The following PLD5 variants were observed in gnomAD, a reference collection of about 807,000 sequenced individuals.
PLD5 encodes inactive phospholipase D5.
Under a neutral mutation model 61.1 loss-of-function variants are expected in PLD5, and 36 were observed. The observed-to-expected ratio is 0.59, with a 90% confidence interval of 0.45 to 0.78. The LOEUF is 0.78. Ranked by LOEUF, PLD5 falls within the 30% of genes least tolerant of loss-of-function variation. The probability of loss-of-function intolerance (pLI) is 0.00; values close to 1 mark genes in which losing one functional copy is unlikely to be tolerated. For missense variants in PLD5, 515 were observed against 644.4 expected, an observed-to-expected ratio of 0.80 and a Z score of 2.17; for synonymous variants, 243 against 242.8, an observed-to-expected ratio of 1.00 and a Z score of -0.01.
chr1:242,470,108 G>C (rs536019458), intron 1 of PLD5, among the ~76,000 whole-genome samples: 3 of 152,268 alleles, frequency 2.0e-5, no homozygotes, highest in South Asian at 4.1e-4. Flanking sequence ...CTGGGAGACG[G>C]AGGCGGGCGG....
chr1:242,231,300 T>C (rs1414207850), intron 4 of PLD5, among the ~76,000 whole-genome samples: 1 of 152,184 alleles, frequency 6.6e-6, no homozygotes, highest in African/African-American at 2.4e-5. Context: ...TGGGGAATGA[T>C]GAGTACTTCC....
chr1:242,120,697 C>A (rs1336728358), intron 6 of PLD5, among the ~76,000 whole-genome samples: 3 of 152,128 alleles, frequency 2.0e-5, no homozygotes, highest in African/African-American at 7.2e-5. Context: ...ACATCTAGAT[C>A]AATAAAAACA....
intron 2 of PLD5, among the ~76,000 whole-genome samples, chr1:242,347,356 T>C (rs979831428): frequency 2.0e-5 from 3 of 152,194 alleles, no homozygotes; most frequent in East Asian, 1.9e-4. Context: ...TGTAATTTAG[T>C]GGCCTCACTT....
rs1456138580 is a variant in PLD5, at chr1:242,090,027, T to A, written c.1438A>T (p.Arg480Ter). 1.2e-6 allele frequency: 2 copies of A among 1,614,126 alleles called. No homozygotes were observed. Among genetic ancestry groups the A allele is most frequent in the Admixed American group, 1.7e-5 (1 of 60,010 alleles). ...VINQADVRNN[R>*]SIIKQLKDVF... ...TCTTTAAGTTGCTTAATGATGCTTCTGTTGTTCCTCACATCTGCCTGGTTG... is the reference window on the plus strand; with the variant it reads ...TCTTTAAGTTGCTTAATGATGCTTCAGTTGTTCCTCACATCTGCCTGGTTG... The change falls in exon 10 of 10, where the codon AGA becomes TGA. Residue 480 changes from arginine to a stop codon, truncating the protein, a stop_gained. Coordinates refer to ENST00000536534, the MANE Select transcript of PLD5 (RefSeq NM_001372062.1). LOFTEE classifies it high-confidence loss of function.
intron 1 of PLD5, among the ~76,000 whole-genome samples, chr1:242,455,938 T>TC (rs1373577722): frequency 1.3e-5 from 2 of 151,900 alleles, no homozygotes; most frequent in African/African-American, 4.8e-5. Flanking sequence ...AAGGGCCAGC[T>TC]CCCCCCATGC....
chr1:242,327,852 G>A (rs1219521814), intron 2 of PLD5, among the ~76,000 whole-genome samples: 2 of 152,142 alleles, frequency 1.3e-5, no homozygotes, highest in East Asian at 3.9e-4. Context: ...AACCCTTTGG[G>A]AGGTTTAAGC....
intron 1 of PLD5, among the ~76,000 whole-genome samples, chr1:242,485,353 A>G (rs1245852987): frequency 6.6e-6 from 1 of 152,244 alleles, no homozygotes; most frequent in Non-Finnish European, 1.5e-5. Flanking sequence ...GCTGATAAGC[A>G]ACTTCAGCAA....
intron 1 of PLD5, among the ~76,000 whole-genome samples, chr1:242,452,439 G>A (rs1189106544): frequency 6.6e-6 from 1 of 152,194 alleles, no homozygotes; most frequent in Non-Finnish European, 1.5e-5. Flanking sequence ...CAGCAAGAAA[G>A]TTAGGAAGTT....
At chr1:242,220,840 G>A (rs769208897) in intron 4 of PLD5, among the ~76,000 whole-genome samples, 2 of 151,870 alleles carry the variant, frequency 1.3e-5, no homozygotes, top group African/African-American at 2.4e-5. Context: ...AGGTTTAAGT[G>A]ATTCCCTTGC....
Position 242,124,575 on chromosome 1 carries a change from T to C in PLD5, c.826A>G (p.Lys276Glu), listed in dbSNP as rs1662640070. 1 of 1,614,006 alleles carries C rather than the reference T, an allele frequency of 6.2e-7. No individual in the cohort carries two copies. The highest frequency in any genetic ancestry group is 1.7e-5 in the Admixed American group (1 of 60,028). The part of the protein sequence containing the change: ...IFALYSSLKF[K>E]SRVPQTWSKR... ...GACCAGGTTTGAGGCACTCTGCTTTTGAATTTTAATGAACTATATAGAGCA... is the reference window on the plus strand; with the variant it reads ...GACCAGGTTTGAGGCACTCTGCTTTCGAATTTTAATGAACTATATAGAGCA... Residue 276 changes from lysine to glutamate, a missense_variant, in exon 6 of 10, where the codon AAA becomes GAA. By Grantham distance (56) the Lys-to-Glu change is moderately conservative. Around this residue, in one of 2 missense-constraint regions of PLD5, gnomAD observed 450 missense variants for 598.1 expected, o/e 0.75. Transcript: ENST00000536534.
chr1:242,090,240 G>GTGT lies in PLD5; in HGVS notation c.1355-133_1355-131dup, dbSNP rs1386153537. 3 of 1,208,154 alleles carry GTGT rather than the reference G, an allele frequency of 2.5e-6. No homozygotes were observed. The African/African-American group carries it at 4.6e-5, about 19-fold the overall frequency. 74.8% of individuals were successfully genotyped at this position (1,208,154 alleles called of 1,614,324 possible). ...GGAATAACAACGGAGAGGCTGAATT[G>GTGT]TGTTGACAGCTCCGAAAAAAAAATC... On this transcript the variant is annotated intron_variant, in intron 9 of 9. Transcript: ENST00000536534.
chr1:242,394,465 AACAT>A (rs1304620217), intron 1 of PLD5, among the ~76,000 whole-genome samples: 1 of 53,930 alleles, frequency 1.9e-5, no homozygotes, highest in Non-Finnish European at 3.3e-5. Context: ...TATATATGTG[AACAT>A]ATATATGTGT....
intron 3 of PLD5, among the ~76,000 whole-genome samples, chr1:242,269,113 G>C (rs1431624422): frequency 2.6e-5 from 4 of 152,108 alleles, no homozygotes; most frequent in African/African-American, 9.7e-5. Context: ...AAAGTTCTGG[G>C]ATTATAGGCA....
intron 5 of PLD5, among the ~76,000 whole-genome samples, chr1:242,206,948 A>T (rs316860): frequency 0.84 from 128,133 of 152,228 alleles, 54,171 homozygotes; most frequent in South Asian, 0.94. Context: ...GTAAGTTCAA[A>T]ATCTGCAGGG....
Position 242,120,186 on chromosome 1 carries a change from C to T in PLD5, c.933+4282G>A, listed in dbSNP as rs58337992. 8.9e-3 allele frequency among the ~76,000 whole-genome samples: 1,351 copies of T among 152,006 alleles called. 23 individuals carry two copies. Among genetic ancestry groups the T allele is most frequent in the African/African-American group, 0.03 (1,243 of 41,474 alleles). The stretch of plus-strand genomic sequence containing the variant: ...GGACTGAGAGAAGGGAAAATAGTGA[C>T]GGCTAATCAGTATGGGGTTTTTTCT... On this transcript the variant is annotated intron_variant, in intron 6 of 9. Transcript: ENST00000536534.
intron 1 of PLD5, among the ~76,000 whole-genome samples, chr1:242,449,826 G>A (rs191653446): frequency 6.6e-6 from 1 of 152,274 alleles, no homozygotes; most frequent in Non-Finnish European, 1.5e-5. Flanking sequence ...GAGTAAAGGA[G>A]AATCCTGCCT....
At chr1:242,500,999 T>G (rs1311086256) in intron 1 of PLD5, among the ~76,000 whole-genome samples, 2 of 152,150 alleles carry the variant, frequency 1.3e-5, no homozygotes, top group African/African-American at 4.8e-5. Flanking sequence ...TTTTTTAACT[T>G]AAGTACCTTT....
intron 1 of PLD5, among the ~76,000 whole-genome samples, chr1:242,392,064 T>C (rs1237128000): frequency 6.6e-6 from 1 of 152,166 alleles, no homozygotes; most frequent in African/African-American, 2.4e-5. Flanking sequence ...GAACATGGAA[T>C]ACTATGCAGC....
chr1:242,447,746 T>A (rs1315458078), intron 1 of PLD5, among the ~76,000 whole-genome samples: 1 of 152,162 alleles, frequency 6.6e-6, no homozygotes, highest in Non-Finnish European at 1.5e-5. Context: ...TCTTCGGAGG[T>A]CTGTACACTT....
Sources: allele counts gnomAD v4.1 joint callset (sites outside exome capture counted in the v4.1 genomes callset), GRCh38; gene constraint gnomAD v4.1.1; regional missense constraint gnomAD v4.1.1; transcripts MANE v1.5; gene names NCBI Gene and HGNC (gene_info 2026-07-23, HGNC 2026-07-21).